EIF4G3: variants seen among roughly 807,000 people sequenced by gnomAD.
EIF4G3 encodes eIF-4-gamma 3.
EIF4G3 carries 34 observed loss-of-function variants against 186.4 expected under a neutral mutation model. The observed-to-expected ratio is 0.18, with a 90% confidence interval of 0.14 to 0.24. EIF4G3 has a LOEUF of 0.24. EIF4G3 is among the 10% of genes least tolerant of loss of function. The probability of loss-of-function intolerance (pLI) is 1.00; values close to 1 mark genes in which losing one functional copy is unlikely to be tolerated. For synonymous variants in EIF4G3, 673 were observed against 679.5 expected, an observed-to-expected ratio of 0.99 and a Z score of 0.15; for missense variants, 1,536 against 1,948.5, an observed-to-expected ratio of 0.79 and a Z score of 3.99.
intron 30 of EIF4G3, among the ~76,000 whole-genome samples, chr1:20,832,462 T>C (rs1359845606): frequency 8.3e-6 from 1 of 121,074 alleles, no homozygotes; most frequent in Admixed American, 8.9e-5. Flanking sequence ...GGTTGTTTGT[T>C]TTTTTCTTGT....
chr1:20,943,972 T>TGTGTGTGTGTGTGTGTG (rs1558363073), intron 13 of EIF4G3, among the ~76,000 whole-genome samples: 6 of 44,798 alleles, frequency 1.3e-4, no homozygotes, highest in Admixed American at 8.7e-4. Flanking sequence ...TCTTTATTTT[T>TGTGTGTGTGTGTGTGTG]TTTGTGTGTG....
In EIF4G3 at chr1:20,899,798, A is replaced by G; in HGVS notation, c.1898T>C (p.Val633Ala). The stretch of plus-strand genomic sequence containing the variant: ...AGAAACACTCTCAGCACCATTACGT[A>G]CTGGCTCAGCTTCTTCTCCATTTTC... Reference protein sequence around the residue: ...VEENGEEAEPVRNGAESVSEG... With the variant: ...VEENGEEAEPARNGAESVSEG... The change falls in exon 16 of 37, where the codon GTA (valine) becomes GCA (alanine). Residue 633 changes from valine (V) to alanine (A), a missense_variant. This residue lies in a region of EIF4G3 where 560 missense variants were observed against 547.8 expected (regional missense o/e 1.02). Coordinates refer to ENST00000602326, the MANE Select transcript of EIF4G3 (RefSeq NM_001391906.1). 6.2e-7 allele frequency: 1 copy of G among 1,614,132 alleles called. No individual in the cohort carries two copies. Among genetic ancestry groups the G allele is most frequent in the Non-Finnish European group, 8.5e-7 (1 of 1,180,020 alleles).
At chr1:21,114,986 G>C (rs2096791689) in intron 2 of EIF4G3, among the ~76,000 whole-genome samples, 1 of 152,106 alleles carries the variant, frequency 6.6e-6, no homozygotes, top group Admixed American at 6.5e-5. Flanking sequence ...AACATGGTAA[G>C]ACCCCATCTC....
intron 4 of EIF4G3, among the ~76,000 whole-genome samples, chr1:21,021,407 TAAC>T (rs757108177): frequency 1.1e-4 from 16 of 152,170 alleles, no homozygotes; most frequent in Non-Finnish European, 1.8e-4. Flanking sequence ...GAATAAACCA[TAAC>T]AACTCACAAT....
At chr1:20,885,136 C>A (rs943078619) in intron 19 of EIF4G3, among the ~76,000 whole-genome samples, 4 of 152,170 alleles carry the variant, frequency 2.6e-5, no homozygotes, top group African/African-American at 7.2e-5. Context: ...CCACCACTTA[C>A]CTCCTGCTGT....
intron 3 of EIF4G3, among the ~76,000 whole-genome samples, chr1:21,064,095 C>G (rs1008428291): frequency 6.6e-6 from 1 of 152,144 alleles, no homozygotes; most frequent in Non-Finnish European, 1.5e-5. Context: ...TGAGCAAAAT[C>G]TGCTATTTGG....
intron 33 of EIF4G3, among the ~76,000 whole-genome samples, chr1:20,820,999 ACT>A (rs1458630138): frequency 6.6e-6 from 1 of 151,322 alleles, no homozygotes; most frequent in East Asian, 1.9e-4. Flanking sequence ...ACTAAATAAA[ACT>A]CTTCTTCACC....
chr1:21,051,103 C>G, intron 3 of EIF4G3, 109 bp from the exon 4 acceptor site: 2 of 654,780 alleles, frequency 3.1e-6, no homozygotes, highest in South Asian at 3.4e-5. Flanking sequence ...ACAACTTACA[C>G]TAAAATAAGC....
chr1:20,860,218 T>C (rs2076026701), intron 24 of EIF4G3, among the ~76,000 whole-genome samples, 167 bp downstream of exon 24: 2 of 152,230 alleles, frequency 1.3e-5, no homozygotes, highest in Admixed American at 6.5e-5. Flanking sequence ...CATTCTCTAC[T>C]TTTACTCAGT....
intron 4 of EIF4G3, among the ~76,000 whole-genome samples, chr1:21,038,783 C>T (rs1241710091): frequency 2.9e-5 from 2 of 68,772 alleles, no homozygotes; most frequent in Admixed American, 1.4e-4. Context: ...TGTATAAGTT[C>T]TTTATTAAGG....
At position 20,997,616 on chromosome 1, in the gene EIF4G3, T is replaced by C; in HGVS notation, c.162A>G (p.Arg54=). Residue 54 remains arginine, a synonymous_variant, in exon 7 of 37, where the codon CGA becomes CGG. Coordinates refer to ENST00000602326, the MANE Select transcript of EIF4G3 (RefSeq NM_001391906.1). ...IKYCIFAAGP[R]PPHHQGGFRP... is the part of the protein sequence containing the mutation. The stretch of plus-strand genomic sequence containing the variant: ...GGTACAGTACCTGATGATGGGGAGG[T>C]CGAGGCCCCGCTGCAAACTGAGAAA... 2 of 1,542,458 alleles carry C rather than the reference T, an allele frequency of 1.3e-6. No individual in the cohort carries two copies. The highest frequency in any genetic ancestry group is 2.4e-5 in the South Asian group (2 of 83,090).
In EIF4G3 at chr1:21,050,994, C is replaced by T; in HGVS notation, c.-195G>A. 1 of 717,262 alleles carries T rather than the reference C, an allele frequency of 1.4e-6. No homozygotes were observed. The highest frequency in any genetic ancestry group is 2.6e-6 in the Non-Finnish European group (1 of 385,000). 44.4% of individuals were successfully genotyped at this position (717,262 alleles called of 1,614,324 possible). A position where few individuals can be genotyped will look rare whatever the true frequency, so the allele number is the denominator to read the frequency against. ...CCCGGCTGTCTTGCCACTTGTGTTA[C>T]CTGTGAGGAAATCAATATTTAGTAA... is the stretch of plus-strand genomic sequence containing the variant. On this transcript the variant is annotated splice_region_variant and 5_prime_UTR_variant, in exon 4 of 37. Coordinates refer to ENST00000602326, the MANE Select transcript of EIF4G3 (RefSeq NM_001391906.1).
chr1:21,121,450 T>C (rs2096922918), intron 2 of EIF4G3, among the ~76,000 whole-genome samples: 2 of 152,074 alleles, frequency 1.3e-5, no homozygotes, highest in Non-Finnish European at 2.9e-5. Context: ...GCGAACTGAG[T>C]ATTGAACCTA....
Position 20,938,213 on chromosome 1 carries a change from C to T in EIF4G3, c.1663+3278G>A, listed in dbSNP as rs2095583006. Among the ~76,000 whole-genome samples the T allele has an allele frequency of 2.0e-5, 3 of 151,954 alleles. No individual in the cohort carries two copies. In the South Asian group the frequency reaches 6.2e-4, roughly 32 times the overall value. ...TTTCACCATGTTGGCCAGGCTGGTC[C>T]CAAACTCGTGACCTCAGGTGATCCA... On this transcript the variant is annotated intron_variant, in intron 14 of 36. Transcript: ENST00000602326.
chr1:21,033,735 AGGT>A (rs1453082907), intron 4 of EIF4G3, among the ~76,000 whole-genome samples: 1 of 152,174 alleles, frequency 6.6e-6, no homozygotes, highest in Non-Finnish European at 1.5e-5. Flanking sequence ...TATAGTTTGA[AGGT>A]GGTGATGAAG....
chr1:20,815,384 C>G (rs1312443871), intron 34 of EIF4G3, among the ~76,000 whole-genome samples: 5 of 137,334 alleles, frequency 3.6e-5, no homozygotes, highest in South Asian at 2.8e-4. Flanking sequence ...TGAGGAGCAT[C>G]TCTGCCTGAC....
intron 14 of EIF4G3, among the ~76,000 whole-genome samples, chr1:20,917,871 A>G (rs2094064100): frequency 6.6e-6 from 1 of 152,200 alleles, no homozygotes; most frequent in Admixed American, 6.5e-5. Context: ...ACGATAATGT[A>G]TGTTTACTGA....
chr1:20,862,432 T>G (rs749271482), intron 22 of EIF4G3, 100 bp from the exon 23 acceptor site: 3 of 737,628 alleles, frequency 4.1e-6, no homozygotes, highest in Non-Finnish European at 6.4e-6. Flanking sequence ...TTTATTTTTT[T>G]AGAGATGGGG....
chr1:20,825,224 T>C (rs756926587), intron 32 of EIF4G3, 26 bp from the exon 33 acceptor site: 2 of 1,349,578 alleles, frequency 1.5e-6, no homozygotes, highest in South Asian at 1.3e-5. Flanking sequence ...ATCCAATCCA[T>C]TTACTTTCAC....
Sources: allele counts gnomAD v4.1 joint callset (sites outside exome capture counted in the v4.1 genomes callset), GRCh38; gene constraint gnomAD v4.1.1; regional missense constraint gnomAD v4.1.1; transcripts MANE v1.5; gene names NCBI Gene and HGNC (gene_info 2026-07-23, HGNC 2026-07-21).